Variants in PRKG1 observed in about 807,000 individuals in gnomAD.
PRKG1 encodes the protein protein kinase cGMP-dependent 1, also known as cGMP-dependent protein kinase 1.
A neutral mutation model predicts 88.1 loss-of-function variants in PRKG1; 35 were observed. That is an observed-to-expected ratio of 0.40 (90% CI 0.30 to 0.53). PRKG1 has a LOEUF of 0.53. Among genes scored for constraint, PRKG1 ranks in the 20% least tolerant of loss-of-function variants. The pLI, the probability that PRKG1 is intolerant of heterozygous loss-of-function variation, is 0.59. For missense variants in PRKG1, 540 were observed against 839.8 expected (o/e 0.64, Z 4.41); for synonymous variants, 303 against 292.5 (o/e 1.04, Z -0.37).
At chr10:52,261,192 C>T (rs1279750389) in intron 10 of PRKG1, among the ~76,000 whole-genome samples, 2 of 151,446 alleles carry the variant, frequency 1.3e-5, no homozygotes, top group Non-Finnish European at 2.9e-5. Flanking sequence ...TAAATTTAAA[C>T]TTAATAAGAT....
At chr10:51,992,918 C>T (rs1374327128) in intron 5 of PRKG1, among the ~76,000 whole-genome samples, 1 of 152,046 alleles carries the variant, frequency 6.6e-6, no homozygotes, top group Admixed American at 6.6e-5. Context: ...ATTGATTTTG[C>T]CAGTTTGATT....
chr10:51,091,102 A>G (rs946632874), intron 1 of PRKG1, among the ~76,000 whole-genome samples: 3 of 152,342 alleles, frequency 2.0e-5, no homozygotes, highest in Non-Finnish European at 4.4e-5. Context: ...ATGGTCTTGG[A>G]CAAATTCTTG....
intron 2 of PRKG1, among the ~76,000 whole-genome samples, chr10:51,244,731 CT>C (rs1170428274): frequency 6.6e-6 from 1 of 151,900 alleles, no homozygotes; most frequent in Non-Finnish European, 1.5e-5. Flanking sequence ...TCCTACTATC[CT>C]TTTAAAAGAG....
chr10:51,922,510 T>C (rs376765241), intron 5 of PRKG1, among the ~76,000 whole-genome samples: 2 of 152,042 alleles, frequency 1.3e-5, no homozygotes, highest in East Asian at 3.9e-4. Flanking sequence ...TAGATCTTTC[T>C]TCCTTTGTAA....
At chr10:51,809,624 G>A (rs1839399657) in intron 4 of PRKG1, among the ~76,000 whole-genome samples, 1 of 152,154 alleles carries the variant, frequency 6.6e-6, no homozygotes, top group Non-Finnish European at 1.5e-5. Flanking sequence ...AATGATAGTG[G>A]TGGACCCTGA....
intron 2 of PRKG1, among the ~76,000 whole-genome samples, chr10:51,175,917 T>C (rs1424087041): frequency 6.6e-6 from 1 of 152,124 alleles, no homozygotes; most frequent in East Asian, 1.9e-4. Context: ...GGACAGGATT[T>C]ATGAGTAATT....
intron 9 of PRKG1, among the ~76,000 whole-genome samples, chr10:52,187,715 T>C (rs1456652856): frequency 6.6e-6 from 1 of 152,218 alleles, no homozygotes; most frequent in Non-Finnish European, 1.5e-5. Flanking sequence ...CTGCTGCTCG[T>C]TGACATGATA....
At chr10:51,948,577 A>C (rs547857060) in intron 5 of PRKG1, among the ~76,000 whole-genome samples, 1 of 150,920 alleles carries the variant, frequency 6.6e-6, no homozygotes, top group South Asian at 2.1e-4. Flanking sequence ...TTGATAAGTA[A>C]TTTTAAAAGA....
At chr10:51,005,297 G>C (rs1433209206) in intron 1 of PRKG1, among the ~76,000 whole-genome samples, 1 of 152,060 alleles carries the variant, frequency 6.6e-6, no homozygotes, top group Non-Finnish European at 1.5e-5. Context: ...ATGATCCCGG[G>C]AATCACAGAT....
At chr10:51,506,879 T>C (rs1841224630) in intron 3 of PRKG1, among the ~76,000 whole-genome samples, 1 of 151,998 alleles carries the variant, frequency 6.6e-6, no homozygotes, top group Admixed American at 6.6e-5. Flanking sequence ...CTAATCACAA[T>C]AGCAAAGACT....
intron 1 of PRKG1, among the ~76,000 whole-genome samples, chr10:51,009,237 A>G (rs1300938702): frequency 1.3e-5 from 2 of 152,220 alleles, no homozygotes; most frequent in South Asian, 2.1e-4. Flanking sequence ...CCACAAATAG[A>G]TATATTAGGA....
intron 7 of PRKG1, among the ~76,000 whole-genome samples, chr10:52,067,631 A>T (rs1196698793): frequency 1.3e-5 from 2 of 152,154 alleles, no homozygotes; most frequent in African/African-American, 2.4e-5. Context: ...CCTTTAACCA[A>T]TAGCATCTTA....
intron 2 of PRKG1, among the ~76,000 whole-genome samples, chr10:51,423,203 G>T (rs1838468046): frequency 6.6e-6 from 1 of 152,002 alleles, no homozygotes; most frequent in South Asian, 2.1e-4. Context: ...ATGACACCAG[G>T]TTGATCAGCA....
intron 7 of PRKG1, among the ~76,000 whole-genome samples, chr10:52,122,924 A>G (rs1215533471): frequency 2.0e-5 from 3 of 152,212 alleles, no homozygotes; most frequent in Non-Finnish European, 2.9e-5. Flanking sequence ...CACTGATAAC[A>G]CAAAGGAAAC....
Position 51,513,178 on chromosome 10 carries a change from A to G in PRKG1, c.592+45342A>G, listed in dbSNP as rs1193634418. On this transcript the variant is annotated intron_variant, in intron 3 of 17. Transcript: ENST00000373980. ...CTACCAAGCAAATGGAAAACAAAAA[A>G]AGGCAGGGGTTGCAATCCTAGTCTC... 3.3e-5 allele frequency among the ~76,000 whole-genome samples: 5 copies of G among 149,994 alleles called. No homozygotes were observed. The Admixed American group carries it at 3.3e-4, about 10-fold the overall frequency.
intron 10 of PRKG1, among the ~76,000 whole-genome samples, chr10:52,258,366 C>T (rs868231837): frequency 3.2e-5 from 4 of 123,808 alleles, no homozygotes; most frequent in African/African-American, 1.0e-4. Context: ...TTCTTTAATC[C>T]AAGAAATATT....
chr10:51,917,710 T>G (rs915019100), intron 5 of PRKG1, among the ~76,000 whole-genome samples: 5 of 152,216 alleles, frequency 3.3e-5, no homozygotes, highest in African/African-American at 1.2e-4. Context: ...ACACGTTGAT[T>G]TAGTGGTTGA....
chr10:51,107,882 C>T (rs1844884294), intron 1 of PRKG1, among the ~76,000 whole-genome samples: 1 of 145,876 alleles, frequency 6.9e-6, no homozygotes, highest in Non-Finnish European at 1.5e-5. Context: ...GGAGAAGACA[C>T]ACAATATCAA....
At chr10:51,208,270 T>C (rs1354358261) in intron 2 of PRKG1, among the ~76,000 whole-genome samples, 1 of 152,088 alleles carries the variant, frequency 6.6e-6, no homozygotes, top group East Asian at 1.9e-4. Flanking sequence ...GAACAAAATG[T>C]TAGCACAAAA....
Sources: gnomAD v4.1 joint callset for allele counts (sites outside exome capture counted in the v4.1 genomes callset) on GRCh38, gnomAD v4.1.1 for gene constraint, MANE v1.5 for transcripts, NCBI Gene and HGNC (gene_info 2026-07-23, HGNC 2026-07-21) for gene names.